The following ARHGAP19 variants were observed in gnomAD, a reference collection of about 807,000 sequenced individuals.
The protein encoded by ARHGAP19 is rho GTPase-activating protein 19.
ARHGAP19 carries 48 observed loss-of-function variants against 60.9 expected under a neutral mutation model. The ratio of observed to expected loss-of-function variants is 0.79; its 90% confidence interval spans 0.62 to 1.00. The LOEUF is 1.00. Ranked by LOEUF, ARHGAP19 falls within the 50% of genes least tolerant of loss-of-function variation. ARHGAP19 has a pLI of 0.00. For synonymous variants in ARHGAP19, 209 were observed against 215.5 expected, an observed-to-expected ratio of 0.97 and a Z score of 0.27; for missense variants, 562 against 597.2, an observed-to-expected ratio of 0.94 and a Z score of 0.61.
intron 1 of ARHGAP19, among the ~76,000 whole-genome samples, chr10:97,270,206 T>A (rs1842944692): frequency 1.3e-5 from 2 of 152,246 alleles, no homozygotes; most frequent in Admixed American, 1.3e-4. Flanking sequence ...GTTCATTCTT[T>A]CTTGTTATGT....
At chr10:97,268,405 G>A (rs753811502) in intron 1 of ARHGAP19, among the ~76,000 whole-genome samples, 25 of 152,082 alleles carry the variant, frequency 1.6e-4, no homozygotes, top group Non-Finnish European at 3.1e-4. Flanking sequence ...TTCAAAAGTC[G>A]CTTCCACATT....
intron 4 of ARHGAP19, among the ~76,000 whole-genome samples, chr10:97,262,199 T>C (rs201341233): frequency 5.3e-4 from 3 of 5,630 alleles, no homozygotes; most frequent in African/African-American, 6.6e-4. Context: ...AAAAAAAAAT[T>C]TTTTTTTTTT....
intron 8 of ARHGAP19, among the ~76,000 whole-genome samples, chr10:97,239,553 TGTGTG>T (rs1564713522): frequency 0.25 from 2,598 of 10,286 alleles, 110 homozygotes; most frequent in African/African-American, 0.31. Context: ...AGAGAGAGGG[TGTGTG>T]TGTGTGTGTG....
intron 5 of ARHGAP19, among the ~76,000 whole-genome samples, chr10:97,257,961 G>A (rs1842778248): frequency 6.6e-6 from 1 of 152,122 alleles, no homozygotes; most frequent in African/African-American, 2.4e-5. Flanking sequence ...TAGGTTCTTG[G>A]AAACTATGAC....
chr10:97,226,013 C>A lies in ARHGAP19; in HGVS notation c.*109G>T. The A allele has an allele frequency of 7.9e-7, 1 of 1,261,586 alleles. No homozygotes were observed. Among genetic ancestry groups the A allele is most frequent in the South Asian group, 1.3e-5 (1 of 78,008 alleles). 78.1% of individuals were successfully genotyped at this position (1,261,586 alleles called of 1,614,324 possible). ...ACGGTATTAGTTGGCTTTGACAATTCAAAATGCAGCAAGCAAGCTGCAAGT... is the reference window on the plus strand; with the variant it reads ...ACGGTATTAGTTGGCTTTGACAATTAAAAATGCAGCAAGCAAGCTGCAAGT... On this transcript the variant is annotated 3_prime_UTR_variant, in exon 12 of 12. Coordinates refer to ENST00000358531, the MANE Select transcript of ARHGAP19 (RefSeq NM_032900.6).
intron 4 of ARHGAP19, among the ~76,000 whole-genome samples, chr10:97,260,507 G>A (rs567533060): frequency 4.9e-4 from 75 of 151,906 alleles, no homozygotes; most frequent in Admixed American, 1.2e-3. Context: ...TCCAGCCTGG[G>A]CGACAGAGCA....
chr10:97,276,679 A>G (rs9325485), intron 1 of ARHGAP19, among the ~76,000 whole-genome samples: 932 of 3,452 alleles, frequency 0.27, 344 homozygotes, highest in Non-Finnish European at 0.5. Flanking sequence ...CCGGCCAGCC[A>G]CCCCGTCCGG....
Position 97,282,629 on chromosome 10 carries a change from T to C in ARHGAP19, c.56+9943A>G, listed in dbSNP as rs866713841. ...GCAATGGCTGCCAATCAGTCAGCCA[T>C]GGCCATGCCATCTCCAGCAAGGTCT... is the stretch of plus-strand genomic sequence containing the variant. On this transcript the variant is annotated intron_variant, in intron 1 of 11. Coordinates refer to ENST00000358531, the MANE Select transcript of ARHGAP19 (RefSeq NM_032900.6). Among the ~76,000 whole-genome samples, 7 of 152,288 alleles carry C rather than the reference T, an allele frequency of 4.6e-5. No individual in the cohort carries two copies. The South Asian group carries it at 8.3e-4, about 18-fold the overall frequency.
intron 9 of ARHGAP19, among the ~76,000 whole-genome samples, chr10:97,231,640 C>A (rs958292209): frequency 3.9e-5 from 6 of 152,182 alleles, no homozygotes; most frequent in African/African-American, 1.4e-4. Context: ...GTCAGAATTT[C>A]TTTCCTTTTT....
At chr10:97,257,319 G>T (rs750063087) in intron 5 of ARHGAP19, among the ~76,000 whole-genome samples, 4 of 122,734 alleles carry the variant, frequency 3.3e-5, no homozygotes, top group Non-Finnish European at 4.9e-5. Context: ...ATAGGGTCTC[G>T]CTTTGTTACC....
rs190650760 is a variant in ARHGAP19, at chr10:97,291,330, T to C, written c.56+1242A>G. On this transcript the variant is annotated intron_variant, in intron 1 of 11. Coordinates refer to ENST00000358531, the MANE Select transcript of ARHGAP19 (RefSeq NM_032900.6). ...CTTCCATATCATATTTTATTTTATT[T>C]ATTTATTTGAGACATAGTCTTGCTC... Among the ~76,000 whole-genome samples the C allele has an allele frequency of 3.8e-3, 574 of 152,278 alleles. 6 individuals carry two copies. The highest frequency in any genetic ancestry group is 3.3e-3 in the South Asian group (16 of 4,826).
At position 97,235,688 on chromosome 10, in the gene ARHGAP19, A is replaced by G. The variant is rs560918118; in HGVS notation, c.1186-373T>C. On this transcript the variant is annotated intron_variant, in intron 8 of 11. Coordinates refer to ENST00000358531, the MANE Select transcript of ARHGAP19 (RefSeq NM_032900.6). ...CTGGCACAATCTAAAACAGTCCCTA[A>G]TTTAACATAAATTGCATACAGAATT... Among the ~76,000 whole-genome samples the G allele has an allele frequency of 1.1e-4, 16 of 152,316 alleles. No individual in the cohort carries two copies. In the East Asian group the frequency reaches 2.5e-3, roughly 24 times the overall value.
chr10:97,260,780 G>A (rs888902153), intron 4 of ARHGAP19, among the ~76,000 whole-genome samples: 1 of 151,474 alleles, frequency 6.6e-6, no homozygotes, highest in Non-Finnish European at 1.5e-5. Flanking sequence ...CCATTCCTCG[G>A]TATATACCCA....
chr10:97,263,334 TG>T, intron 4 of ARHGAP19, 85 bp downstream of exon 4: 1 of 1,342,380 alleles, frequency 7.4e-7, no homozygotes. Flanking sequence ...AGTATTTCTG[TG>T]GGTCACAAGC....
intron 6 of ARHGAP19, among the ~76,000 whole-genome samples, chr10:97,250,136 G>A (rs975681809): frequency 6.6e-6 from 1 of 152,032 alleles, no homozygotes; most frequent in Non-Finnish European, 1.5e-5. Flanking sequence ...GCATACATAA[G>A]TACTTAGGAA....
intron 9 of ARHGAP19, among the ~76,000 whole-genome samples, chr10:97,231,630 G>T (rs1313037458): frequency 6.6e-6 from 1 of 152,114 alleles, no homozygotes; most frequent in African/African-American, 2.4e-5. Flanking sequence ...TGTAGGATAT[G>T]TCAGAATTTC....
chr10:97,246,878 C>T (rs1306256799), intron 6 of ARHGAP19, among the ~76,000 whole-genome samples: 1 of 152,046 alleles, frequency 6.6e-6, no homozygotes, highest in East Asian at 1.9e-4. Flanking sequence ...TGGCTCATGC[C>T]TGTAATCCCA....
At chr10:97,278,378 A>G (rs898728151) in intron 1 of ARHGAP19, among the ~76,000 whole-genome samples, 5 of 152,188 alleles carry the variant, frequency 3.3e-5, no homozygotes, top group Non-Finnish European at 7.3e-5. Flanking sequence ...TTTTCTTGAC[A>G]TGCCAAACGT....
At chr10:97,230,787 C>T (rs981692190) in intron 9 of ARHGAP19, among the ~76,000 whole-genome samples, 7 of 152,012 alleles carry the variant, frequency 4.6e-5, no homozygotes, top group Admixed American at 2.6e-4. Context: ...TATTTTAGGC[C>T]GGGAGCGGTG....
Sources: allele counts gnomAD v4.1 joint callset (sites outside exome capture counted in the v4.1 genomes callset), GRCh38; gene constraint gnomAD v4.1.1; transcripts MANE v1.5; gene names NCBI Gene and HGNC (gene_info 2026-07-23, HGNC 2026-07-21).